ACVR2B: variants seen among roughly 807,000 people sequenced by gnomAD.
The protein encoded by ACVR2B is activin receptor type-2B.
In ACVR2B, 18 loss-of-function variants were observed where a neutral mutation model predicts 65.1. That is an observed-to-expected ratio of 0.28 (90% CI 0.19 to 0.41). The LOEUF is 0.41. Ranked by LOEUF, ACVR2B falls within the 10% of genes least tolerant of loss-of-function variation. The pLI is 1.00. For synonymous variants in ACVR2B, 298 were observed against 277.7 expected (o/e 1.07, Z -0.73); for missense variants, 482 against 682.7 (o/e 0.71, Z 3.28).
rs2059826103 is a variant in ACVR2B at position 38,493,090 on chromosome 3, A to C, written c.*9758A>C. On this transcript the variant is annotated 3_prime_UTR_variant, in exon 11 of 11. Transcript: ENST00000352511. ...CCAACAATAGGAGGAAAAATCTAGA[A>C]CTATTTCAAGTTTTATCTTTTTGTA... 1 of 152,622 alleles carries C rather than the reference A, an allele frequency of 6.6e-6. No homozygotes were observed. Among genetic ancestry groups the C allele is most frequent in the South Asian group, 2.1e-4 (1 of 4,826 alleles). 9.5% of individuals were successfully genotyped at this position (152,622 alleles called of 1,614,324 possible).
At chr3:38,479,405 T>A in intron 6 of ACVR2B, 134 bp downstream of exon 6, 1 of 1,365,542 alleles carries the variant, frequency 7.3e-7, no homozygotes, top group Admixed American at 1.8e-5. Context: ...CTATCCACTA[T>A]GGGGTTACTC....
chr3:38,456,394 C>T (rs1256126800), intron 1 of ACVR2B, among the ~76,000 whole-genome samples: 1 of 152,206 alleles, frequency 6.6e-6, no homozygotes, highest in Non-Finnish European at 1.5e-5. Flanking sequence ...CACACAATGC[C>T]TGCTAGAAGG....
In ACVR2B at chr3:38,493,100, G is replaced by A. The variant is rs954062685; in HGVS notation, c.*9768G>A. ...GAGGAAAAATCTAGAACTATTTCAA[G>A]TTTTATCTTTTTGTATATGAAAATA... is the stretch of plus-strand genomic sequence containing the variant. On this transcript the variant is annotated 3_prime_UTR_variant, in exon 11 of 11. Transcript: ENST00000352511. The A allele has an allele frequency of 3.3e-5, 5 of 152,608 alleles. No homozygotes were observed. The highest frequency in any genetic ancestry group is 1.2e-4 in the African/African-American group (5 of 41,444). 9.5% of individuals were successfully genotyped at this position (152,608 alleles called of 1,614,324 possible).
In ACVR2B at chr3:38,481,245, C is replaced by T. The variant is rs1023785952; in HGVS notation, c.960-106C>T. 2.3e-5 allele frequency: 22 copies of T among 963,832 alleles called. No homozygotes were observed. The highest frequency in any genetic ancestry group is 1.8e-4 in the African/African-American group (11 of 62,494). The allele number at this position is 963,832 out of a possible 1,614,324, so 59.7% of individuals were successfully genotyped here. Reference sequence around the variant, plus strand: ...CTGCACCCCAGGTAGGGTGGGATGGCCTGGTCTGGGGCCTGACTCTAGGGC... The same window carrying T: ...CTGCACCCCAGGTAGGGTGGGATGGTCTGGTCTGGGGCCTGACTCTAGGGC... On this transcript the variant is annotated intron_variant, in intron 7 of 10. Transcript: ENST00000352511. This position sits in a 1 kb window ranked among gnomAD's most constrained non-coding sequence, Gnocchi z 4.7.
At chr3:38,462,847 T>C (rs78969877) in intron 1 of ACVR2B, among the ~76,000 whole-genome samples, 6,252 of 152,214 alleles carry the variant, frequency 0.041, 451 homozygotes, top group African/African-American at 0.14. Context: ...TACTGAAAAA[T>C]GGTTATACCA....
intron 1 of ACVR2B, chr3:38,459,735 A>C (rs1709609970): frequency 1.1e-6 from 1 of 937,008 alleles, no homozygotes; most frequent in African/African-American, 1.8e-5. Flanking sequence ...CCAGATGGGA[A>C]TCTGAGGGCA....
In ACVR2B at chr3:38,454,125, C is replaced by T; in HGVS notation, c.-198C>T. The T allele has an allele frequency of 9.2e-6, 2 of 217,954 alleles. No individual in the cohort carries two copies. The highest frequency in any genetic ancestry group is 1.6e-5 in the Non-Finnish European group (2 of 123,570). The allele number at this position is 217,954 out of a possible 1,614,324, so 13.5% of individuals were successfully genotyped here. Reference sequence around the variant, plus strand: ...CCGCAGCCTGCGCCGCCCGCAGCGGCCCTGAGCCCGGCCCCGCCGACCGGC... The same window carrying T: ...CCGCAGCCTGCGCCGCCCGCAGCGGTCCTGAGCCCGGCCCCGCCGACCGGC... On this transcript the variant is annotated 5_prime_UTR_variant, in exon 1 of 11. Coordinates refer to ENST00000352511, the MANE Select transcript of ACVR2B (RefSeq NM_001106.4).
chr3:38,464,404 T>C (rs564036685), intron 1 of ACVR2B, among the ~76,000 whole-genome samples: 4 of 152,362 alleles, frequency 2.6e-5, no homozygotes, highest in Admixed American at 6.5e-5. Flanking sequence ...AAAGTAGATA[T>C]GGAGATGTAC....
intron 1 of ACVR2B, among the ~76,000 whole-genome samples, chr3:38,467,431 G>A (rs1272093473): frequency 2.0e-5 from 3 of 149,202 alleles, no homozygotes; most frequent in South Asian, 2.1e-4. Flanking sequence ...CAACAAGAGC[G>A]AAACTCTGTC....
At position 38,477,414 on chromosome 3, in the gene ACVR2B, C is replaced by T. The variant is rs776365961; in HGVS notation, c.180C>T (p.Tyr60=). ...AGCAGGACAAGCGGCTGCACTGCTA[C>T]GCCTCCTGGCGCAACAGCTCTGGCA... ...EGEQDKRLHC[Y]ASWRNSSGTI... The change falls in exon 2 of 11, where the codon TAC becomes TAT. Residue 60 remains tyrosine, a synonymous_variant. Coordinates refer to ENST00000352511, the MANE Select transcript of ACVR2B (RefSeq NM_001106.4). This position sits in a 1 kb window ranked among gnomAD's most constrained non-coding sequence, Gnocchi z 6.7. 4.6e-5 allele frequency: 75 copies of T among 1,614,054 alleles called. No homozygotes were observed. Among genetic ancestry groups the T allele is most frequent in the Middle Eastern group, 1.6e-4 (1 of 6,084 alleles).
rs2125722474 is a variant in ACVR2B at position 38,477,602 on chromosome 3, G to A, written c.260+108G>A. 1 of 1,345,760 alleles carries A rather than the reference G, an allele frequency of 7.4e-7. No homozygotes were observed. The highest frequency in any genetic ancestry group is 2.5e-5 in the East Asian group (1 of 40,148). 83.4% of individuals were successfully genotyped at this position (1,345,760 alleles called of 1,614,324 possible). ...TGAGTGGGAGATAAAGGACCAAGAA[G>A]GGGCTCTTGAGATGGTAGCCATGGC... is the stretch of plus-strand genomic sequence containing the variant. On this transcript the variant is annotated intron_variant, in intron 2 of 10. Coordinates refer to ENST00000352511, the MANE Select transcript of ACVR2B (RefSeq NM_001106.4). The surrounding 1 kb of genome is among the most constrained non-coding windows in gnomAD (Gnocchi z 6.7).
At chr3:38,460,546 C>T (rs1305437654) in intron 1 of ACVR2B, among the ~76,000 whole-genome samples, 1 of 152,222 alleles carries the variant, frequency 6.6e-6, no homozygotes, top group Non-Finnish European at 1.5e-5. Flanking sequence ...CCATGCTTTC[C>T]CCTGGTTATT....
At position 38,454,183 on chromosome 3, in the gene ACVR2B, G is replaced by C. The variant is rs1364817970; in HGVS notation, c.-140G>C. ...GCCCGAACGCTGCTCGGGGACGAAGGCGCAGGAAGCGCGCAGGGAACGAGA... is the reference window on the plus strand; with the variant it reads ...GCCCGAACGCTGCTCGGGGACGAAGCCGCAGGAAGCGCGCAGGGAACGAGA... On this transcript the variant is annotated 5_prime_UTR_variant, in exon 1 of 11. Coordinates refer to ENST00000352511, the MANE Select transcript of ACVR2B (RefSeq NM_001106.4). 5.4e-6 allele frequency: 3 copies of C among 553,214 alleles called. No homozygotes were observed. The East Asian group carries it at 2.1e-4, about 39-fold the overall frequency. The allele number at this position is 553,214 out of a possible 1,614,324, so 34.3% of individuals were successfully genotyped here.
intron 1 of ACVR2B, among the ~76,000 whole-genome samples, chr3:38,471,316 A>G (rs1340975756): frequency 6.6e-6 from 1 of 152,254 alleles, no homozygotes; most frequent in African/African-American, 2.4e-5. Flanking sequence ...TCAGTCTCAC[A>G]AGTAATCAGG....
intron 1 of ACVR2B, chr3:38,459,539 C>T: frequency 1.0e-6 from 1 of 975,020 alleles, no homozygotes; most frequent in East Asian, 1.1e-4. Flanking sequence ...GCCCTGTCTG[C>T]CAAGCGGAGC....
chr3:38,468,734 A>G (rs773570283), intron 1 of ACVR2B, among the ~76,000 whole-genome samples: 10 of 152,170 alleles, frequency 6.6e-5, no homozygotes, highest in Non-Finnish European at 1.0e-4. Flanking sequence ...AGTCTGTGTG[A>G]TCAGTTACCA....
Position 38,491,197 on chromosome 3 carries a change from C to G in ACVR2B, c.*7865C>G, listed in dbSNP as rs574129350. ...TAAATATATATATTTTTTAAAGAGC[C>G]TTTTTTACCAGTTCAAAAAGTTTAA... is the stretch of plus-strand genomic sequence containing the variant. On this transcript the variant is annotated 3_prime_UTR_variant, in exon 11 of 11. Transcript: ENST00000352511. 2.0e-5 allele frequency: 3 copies of G among 152,318 alleles called. No homozygotes were observed. The highest frequency in any genetic ancestry group is 2.9e-5 in the Non-Finnish European group (2 of 68,018). 9.4% of individuals were successfully genotyped at this position (152,318 alleles called of 1,614,324 possible).
chr3:38,478,983 T>C (rs1709965123), intron 5 of ACVR2B, 145 bp from the exon 6 acceptor site: 3 of 1,091,114 alleles, frequency 2.7e-6, no homozygotes, highest in Admixed American at 3.5e-5. Flanking sequence ...TTACAAATGC[T>C]GAAGCTGGGA....
At chr3:38,454,857 C>G (rs934331947) in intron 1 of ACVR2B, 5 of 152,712 alleles carry the variant, frequency 3.3e-5, no homozygotes, top group African/African-American at 1.2e-4. Flanking sequence ...CCCAAAGTCC[C>G]CTGCATCTCT....
Sources: gnomAD v4.1 joint callset for allele counts (sites outside exome capture counted in the v4.1 genomes callset) on GRCh38, gnomAD v4.1.1 for gene constraint, Gnocchi (gnomAD v3.1) non-coding constraint, MANE v1.5 for transcripts, NCBI Gene and HGNC (gene_info 2026-07-23, HGNC 2026-07-21) for gene names.